The following RBFOX1 variants were observed in gnomAD, a reference collection of about 807,000 sequenced individuals.
RBFOX1 encodes the protein RNA binding fox-1 homolog 1.
Under a neutral mutation model 57.7 loss-of-function variants are expected in RBFOX1, and 8 were observed. The observed-to-expected ratio is 0.14, with a 90% CI of 0.08 to 0.25. The LOEUF is 0.25. Ranked by LOEUF, RBFOX1 falls within the 10% of genes least tolerant of loss-of-function variation. RBFOX1 has a pLI of 1.00. For synonymous variants in RBFOX1, 326 were observed against 222.4 expected, an observed-to-expected ratio of 1.47 and a Z score of -4.15; for missense variants, 611 against 548.5, an observed-to-expected ratio of 1.11 and a Z score of -1.14.
intron 4 of RBFOX1, among the ~76,000 whole-genome samples, chr16:7,380,918 G>T (rs1206152731): frequency 1.3e-5 from 2 of 152,204 alleles, no homozygotes; most frequent in South Asian, 2.1e-4. Flanking sequence ...TCCGTAAAGT[G>T]TAAAGGGGAA....
At chr16:5,647,583 C>T (rs2049094987) in intron 3 of RBFOX1, among the ~76,000 whole-genome samples, 1 of 152,168 alleles carries the variant, frequency 6.6e-6, no homozygotes, top group Admixed American at 6.5e-5. Context: ...TTCTCCTTTC[C>T]CTTTCCCCAT....
intron 11 of RBFOX1, among the ~76,000 whole-genome samples, chr16:7,643,069 G>T (rs1047696105): frequency 7.9e-5 from 12 of 152,202 alleles, no homozygotes; most frequent in African/African-American, 2.9e-4. Context: ...TTTATAACCT[G>T]TGAGGAAAGA....
At chr16:6,501,479 T>A (rs1427173068) in intron 2 of RBFOX1, among the ~76,000 whole-genome samples, 2 of 152,038 alleles carry the variant, frequency 1.3e-5, no homozygotes, top group East Asian at 3.9e-4. Flanking sequence ...CTCACCATTT[T>A]TATGGCTGCA....
At chr16:6,479,195 AT>A (rs1240537776) in intron 2 of RBFOX1, among the ~76,000 whole-genome samples, 1 of 152,210 alleles carries the variant, frequency 6.6e-6, no homozygotes, top group Non-Finnish European at 1.5e-5. Flanking sequence ...TGCGTAGTTT[AT>A]AAAGAAAAGA....
At chr16:5,382,894 T>C (rs1484595169) in intron 1 of RBFOX1, among the ~76,000 whole-genome samples, 2 of 152,234 alleles carry the variant, frequency 1.3e-5, no homozygotes, top group Admixed American at 1.3e-4. Context: ...TTAAGTCTCC[T>C]TTTATGATGA....
intron 3 of RBFOX1, among the ~76,000 whole-genome samples, chr16:5,818,380 G>T (rs2055720865): frequency 6.6e-6 from 1 of 152,174 alleles, no homozygotes; most frequent in Non-Finnish European, 1.5e-5. Flanking sequence ...CATATGAGGG[G>T]ATACCATTGT....
chr16:6,186,238 A>G (rs1003637664), intron 1 of RBFOX1, among the ~76,000 whole-genome samples: 1 of 152,186 alleles, frequency 6.6e-6, no homozygotes, highest in Non-Finnish European at 1.5e-5. Context: ...AGTCATTTAT[A>G]GACTGATTCA....
chr16:6,185,601 G>C (rs2097100088), intron 1 of RBFOX1, among the ~76,000 whole-genome samples: 1 of 152,150 alleles, frequency 6.6e-6, no homozygotes, highest in Non-Finnish European at 1.5e-5. Context: ...GTGGGTTTAA[G>C]TACCAATGTA....
chr16:7,492,932 G>T (rs1472245214), intron 4 of RBFOX1, among the ~76,000 whole-genome samples: 1 of 152,108 alleles, frequency 6.6e-6, no homozygotes, highest in African/African-American at 2.4e-5. Flanking sequence ...AGGCTGGAGT[G>T]CAGTGGTGCG....
chr16:7,538,749 C>A (rs2082141550), intron 5 of RBFOX1, among the ~76,000 whole-genome samples: 1 of 152,148 alleles, frequency 6.6e-6, no homozygotes. Context: ...TAGAGATCAG[C>A]TTGGTACATA....
At chr16:5,568,817 G>T (rs2046166443) in intron 2 of RBFOX1, among the ~76,000 whole-genome samples, 1 of 152,036 alleles carries the variant, frequency 6.6e-6, no homozygotes. Flanking sequence ...ACTCAACCTG[G>T]CTTGGGAAAT....
chr16:6,756,707 C>G (rs2075838846), intron 3 of RBFOX1, among the ~76,000 whole-genome samples: 1 of 152,120 alleles, frequency 6.6e-6, no homozygotes, highest in Non-Finnish European at 1.5e-5. Flanking sequence ...CCTGGTGGTT[C>G]ACGCCTGTAA....
chr16:6,774,171 G>A (rs1863370545), intron 3 of RBFOX1, among the ~76,000 whole-genome samples: 1 of 152,138 alleles, frequency 6.6e-6, no homozygotes, highest in Non-Finnish European at 1.5e-5. Context: ...AAAAATTCCA[G>A]TGTCTCTGTA....
intron 1 of RBFOX1, among the ~76,000 whole-genome samples, chr16:5,307,253 T>C (rs2151212045): frequency 6.6e-6 from 1 of 152,308 alleles, no homozygotes; most frequent in Admixed American, 6.5e-5. Flanking sequence ...GTCCTATTTC[T>C]GTGCTCACAC....
intron 1 of RBFOX1, among the ~76,000 whole-genome samples, chr16:6,286,188 G>C (rs927373906): frequency 6.6e-6 from 1 of 152,256 alleles, no homozygotes; most frequent in Non-Finnish European, 1.5e-5. Flanking sequence ...TGACATGAAA[G>C]TCATGGCGTC....
rs74004351 is a variant in RBFOX1, at chr16:5,510,520, G to A, written c.258+43266G>A. On this transcript the variant is annotated intron_variant, in intron 2 of 2. Transcript: ENST00000585867. ...CACCAAGTTTTGGCCAAAGCAAGTC[G>A]CGTGGCTGAGTCCAGGCTCACCGGG... 5.3e-3 allele frequency among the ~76,000 whole-genome samples: 800 copies of A among 152,246 alleles called. 5 individuals carry two copies. Among genetic ancestry groups the A allele is most frequent in the African/African-American group, 0.017 (687 of 41,528 alleles).
At chr16:6,906,486 T>C (rs750510551) in intron 3 of RBFOX1, among the ~76,000 whole-genome samples, 1 of 152,098 alleles carries the variant, frequency 6.6e-6, no homozygotes, top group South Asian at 2.1e-4. Context: ...TAAGAGTGTA[T>C]GCATTAAAAA....
intron 4 of RBFOX1, among the ~76,000 whole-genome samples, chr16:7,075,747 AT>A (rs1036780930): frequency 2.6e-5 from 4 of 151,542 alleles, no homozygotes; most frequent in African/African-American, 9.7e-5. Flanking sequence ...CGCTCGGCTA[AT>A]TTTTTTTATT....
At position 5,664,265 on chromosome 16, in the gene RBFOX1, C is replaced by T. The variant is rs550679797; in HGVS notation, c.318+65304C>T. Among the ~76,000 whole-genome samples, 635 of 152,288 alleles carry T rather than the reference C, an allele frequency of 4.2e-3. 4 individuals are homozygous for T. The highest frequency in any genetic ancestry group is 0.014 in the African/African-American group (599 of 41,568). ...GTTGTGAACTCTTTAAAAGTGGATTCCTGGCCGGGCGCAGTGGCTCACGCC... is the reference window on the plus strand; with the variant it reads ...GTTGTGAACTCTTTAAAAGTGGATTTCTGGCCGGGCGCAGTGGCTCACGCC... On this transcript the variant is annotated intron_variant, in intron 3 of 19. Coordinates refer to the RBFOX1 transcript ENST00000641259.
Sources: allele counts gnomAD v4.1 joint callset (sites outside exome capture counted in the v4.1 genomes callset), GRCh38; gene constraint gnomAD v4.1.1; transcripts MANE v1.5; gene names NCBI Gene and HGNC (gene_info 2026-07-23, HGNC 2026-07-21).